Variants in CST8 observed in about 807,000 individuals in gnomAD.
The protein encoded by CST8 is cystatin 8, also known as cystatin-8.
In CST8, 20 loss-of-function variants were observed where a neutral mutation model predicts 11.8. The ratio of observed to expected loss-of-function variants is 1.70; its 90% CI spans 1.20 to 2.47. CST8 has a LOEUF of 2.47. CST8 is among the 30% of genes most tolerant of loss of function. The pLI is 0.00. For missense variants in CST8, 196 were observed against 167.2 expected, an observed-to-expected ratio of 1.17 and a Z score of -0.95; for synonymous variants, 77 against 63.1, an observed-to-expected ratio of 1.22 and a Z score of -1.05.
In CST8 at chr20:23,493,028, C is replaced by T. The variant is rs1282299526; in HGVS notation, c.302C>T (p.Thr101Ile). 1 of 1,613,026 alleles carries T rather than the reference C, an allele frequency of 6.2e-7. No individual in the cohort carries two copies. The highest frequency in any genetic ancestry group is 8.5e-7 in the Non-Finnish European group (1 of 1,179,124). ...ARSDCRKPLS[T>I]NEICAIQENS... is the part of the protein sequence containing the mutation. Reference sequence around the variant, plus strand: ...AGCGATTGCAGAAAGCCTTTAAGCACTAATGAAATCTGCGCCATTCAAGAA... The same window carrying T: ...AGCGATTGCAGAAAGCCTTTAAGCATTAATGAAATCTGCGCCATTCAAGAA... Residue 101 changes from threonine (T) to isoleucine (I), a missense_variant, in exon 3 of 4, where the codon ACT becomes ATT. Coordinates refer to ENST00000246012, the MANE Select transcript of CST8 (RefSeq NM_005492.4).
intron 3 of CST8, among the ~76,000 whole-genome samples, chr20:23,494,531 C>T (rs1377901232): frequency 2.0e-5 from 3 of 152,166 alleles, no homozygotes; most frequent in Admixed American, 2.0e-4. Flanking sequence ...ACTAAACTTT[C>T]TTCTTTCTGA....
At chr20:23,500,941 C>A (rs1161586186), downstream of CST8, among the ~76,000 whole-genome samples, 1 of 152,196 alleles carries the variant, frequency 6.6e-6, no homozygotes, top group African/African-American at 2.4e-5. Flanking sequence ...GGGAGATCAG[C>A]AGAGCTTCCA....
At chr20:23,498,665 G>T (rs138186714), downstream of CST8, among the ~76,000 whole-genome samples, 549 of 152,254 alleles carry the variant, frequency 3.6e-3, 2 homozygotes, top group African/African-American at 0.012. Context: ...TGCCACTCCC[G>T]TTATGCCCAC....
At chr20:23,493,184 C>T (rs1987944284) in intron 3 of CST8, 113 bp downstream of exon 3, 1 of 715,948 alleles carries the variant, frequency 1.4e-6, no homozygotes. Context: ...GTGTTTAGCC[C>T]CAGATAGCCA....
intron 3 of CST8, 112 bp downstream of exon 3, chr20:23,493,183 C>T: frequency 1.4e-6 from 1 of 719,246 alleles, no homozygotes; most frequent in East Asian, 2.5e-5. Context: ...AGTGTTTAGC[C>T]CCAGATAGCC....
chr20:23,497,544 A>G (rs1412293367), downstream of CST8, among the ~76,000 whole-genome samples: 1 of 152,230 alleles, frequency 6.6e-6, no homozygotes, highest in African/African-American at 2.4e-5. Flanking sequence ...TCCTATATGT[A>G]TTAGTCTGTT....
At chr20:23,498,450 C>G (rs148223376), downstream of CST8, among the ~76,000 whole-genome samples, 5 of 152,182 alleles carry the variant, frequency 3.3e-5, no homozygotes, top group Admixed American at 1.3e-4. Context: ...TTTCTGCCCC[C>G]AACAGGATGA....
chr20:23,503,952 G>A, the CST8 span, among the ~76,000 whole-genome samples: 1 of 152,262 alleles, frequency 6.6e-6, no homozygotes, highest in Non-Finnish European at 1.5e-5. Flanking sequence ...TCACCCTGGT[G>A]AGAGCATGGA....
At chr20:23,492,641 T>A (rs1987923704) in intron 2 of CST8, among the ~76,000 whole-genome samples, 1 of 152,130 alleles carries the variant, frequency 6.6e-6, no homozygotes, top group Non-Finnish European at 1.5e-5. Context: ...CACCTCTCAG[T>A]CCTCACTGAG....
At chr20:23,499,511 C>T (rs1040806770), downstream of CST8, among the ~76,000 whole-genome samples, 5 of 152,212 alleles carry the variant, frequency 3.3e-5, no homozygotes, top group African/African-American at 9.6e-5. Flanking sequence ...GCTGCGTTCT[C>T]TTAAAGGTCA....
At chr20:23,491,925 A>T in intron 2 of CST8, 27 bp downstream of exon 2, 1 of 1,554,592 alleles carries the variant, frequency 6.4e-7, no homozygotes, top group Non-Finnish European at 8.9e-7. Context: ...ATATAGGTGG[A>T]CATTTGCATA....
In CST8 at chr20:23,493,032, T is replaced by C. The variant is rs765105458; in HGVS notation, c.306T>C (p.Asn102=). The change falls in exon 3 of 4, where the codon AAT becomes AAC. Residue 102 remains asparagine, a synonymous_variant. Coordinates refer to ENST00000246012, the MANE Select transcript of CST8 (RefSeq NM_005492.4). The part of the protein sequence containing the change: ...RSDCRKPLST[N]EICAIQENSK... ...ATTGCAGAAAGCCTTTAAGCACTAA[T>C]GAAATCTGCGCCATTCAAGAAAACT... is the stretch of plus-strand genomic sequence containing the variant. 47 of 1,613,124 alleles carry C rather than the reference T, an allele frequency of 2.9e-5. No individual in the cohort carries two copies. Among genetic ancestry groups the C allele is most frequent in the Non-Finnish European group, 3.7e-5 (44 of 1,179,178 alleles).
At chr20:23,492,492 C>G (rs1162928831) in intron 2 of CST8, among the ~76,000 whole-genome samples, 6 of 152,188 alleles carry the variant, frequency 3.9e-5, no homozygotes, top group Non-Finnish European at 8.8e-5. Flanking sequence ...GGTGGGGAAA[C>G]CCCAGAGGAT....
Position 23,495,283 on chromosome 20 carries a change from ATG to A in CST8, c.346-544_346-543del, listed in dbSNP as rs903962526. 8.5e-5 allele frequency among the ~76,000 whole-genome samples: 13 copies of A among 152,248 alleles called. No homozygotes were observed. In the Middle Eastern group the frequency reaches 0.01, roughly 120 times the overall value. On this transcript the variant is annotated intron_variant, in intron 3 of 3. Transcript: ENST00000246012. Reference sequence around the variant, plus strand: ...GGTGCTGCAGTGAACATACATGTGCATGTGTCTTCGTGGTAGAACAATTTATA... The same window carrying A: ...GGTGCTGCAGTGAACATACATGTGCATGTCTTCGTGGTAGAACAATTTATA...
downstream of CST8, among the ~76,000 whole-genome samples, chr20:23,500,760 G>A (rs1406731002): frequency 3.3e-5 from 5 of 150,674 alleles, no homozygotes; most frequent in African/African-American, 1.2e-4. Flanking sequence ...GGGGTGGCTG[G>A]GTGGGGGGGT....
chr20:23,491,987 C>T, intron 2 of CST8, 89 bp downstream of exon 2: 1 of 1,023,300 alleles, frequency 9.8e-7, no homozygotes, highest in Non-Finnish European at 1.5e-6. Flanking sequence ...AGAAAAATAT[C>T]ACTATGCAAA....
At chr20:23,503,537 TG>T in the CST8 span, among the ~76,000 whole-genome samples, 2 of 151,866 alleles carry the variant, frequency 1.3e-5, no homozygotes, top group African/African-American at 4.8e-5. Flanking sequence ...ACAAATAAAA[TG>T]GCCCTAAAAG....
chr20:23,493,221 C>T (rs1356293526), intron 3 of CST8, 150 bp downstream of exon 3: 2 of 628,262 alleles, frequency 3.2e-6, no homozygotes, highest in African/African-American at 3.7e-5. Flanking sequence ...AGCAGAAGAT[C>T]CAGGGCCACG....
chr20:23,504,450 C>A, the CST8 span, among the ~76,000 whole-genome samples: 1 of 152,112 alleles, frequency 6.6e-6, no homozygotes, highest in African/African-American at 2.4e-5. Context: ...GAAGTGTGTC[C>A]TGGGCTGCTG....
Sources: allele counts gnomAD v4.1 joint callset (sites outside exome capture counted in the v4.1 genomes callset), GRCh38; gene constraint gnomAD v4.1.1; transcripts MANE v1.5; gene names NCBI Gene and HGNC (gene_info 2026-07-23, HGNC 2026-07-21).